Variants in GRHL1 observed in about 807,000 individuals in gnomAD.
GRHL1 encodes grainyhead-like protein 1 homolog.
GRHL1 carries 38 observed loss-of-function variants against 75.7 expected under a neutral mutation model. The ratio of observed to expected loss-of-function variants is 0.50; its 90% CI spans 0.39 to 0.66. The LOEUF (loss-of-function observed/expected upper bound fraction) is 0.66, where lower values mean the gene tolerates loss of function less well. GRHL1 is among the 30% of genes least tolerant of loss of function. GRHL1 has a pLI of 0.00. For missense variants in GRHL1, 589 were observed against 767.5 expected (o/e 0.77, Z 2.75); for synonymous variants, 266 against 279.4 (o/e 0.95, Z 0.48).
intron 14 of GRHL1, among the ~76,000 whole-genome samples, chr2:9,997,928 C>T (rs1408190467): frequency 2.0e-5 from 3 of 152,066 alleles, no homozygotes; most frequent in African/African-American, 7.2e-5. Flanking sequence ...CATAACTGTT[C>T]ATGGCTCACG....
chr2:10,000,661 T>A lies in GRHL1; in HGVS notation c.1811T>A (p.Ile604Asn). 6.2e-7 allele frequency: 1 copy of A among 1,613,182 alleles called. No individual in the cohort carries two copies. The highest frequency in any genetic ancestry group is 8.5e-7 in the Non-Finnish European group (1 of 1,179,218). ...YSNEDTFQLQ[I>N]EEAGGSYKLT... is the part of the protein sequence containing the mutation. ...AATGAGGACACCTTCCAGCTGCAGA[T>A]TGAAGAAGCCGGGGGGTCTTACAAG... Residue 604 changes from isoleucine (I) to asparagine (N), a missense_variant, in exon 16 of 16, where the codon ATT (isoleucine) becomes AAT (asparagine). Around this residue, in one of 5 missense-constraint regions of GRHL1, gnomAD observed 192 missense variants for 226.6 expected, o/e 0.85. Coordinates refer to ENST00000324907, the MANE Select transcript of GRHL1 (RefSeq NM_198182.3).
chr2:9,954,953 A>T lies in GRHL1; in HGVS notation c.59A>T (p.Tyr20Phe). 1 of 1,613,690 alleles carries T rather than the reference A, an allele frequency of 6.2e-7. No individual in the cohort carries two copies. Among genetic ancestry groups the T allele is most frequent in the Admixed American group, 1.7e-5 (1 of 60,008 alleles). The change falls in exon 2 of 16, where the codon TAT becomes TTT. Residue 20 changes from tyrosine to phenylalanine, a missense_variant. Physicochemically the swap from Tyr to Phe is conservative, Grantham distance 22 (BLOSUM62 3). Coordinates refer to ENST00000324907, the MANE Select transcript of GRHL1 (RefSeq NM_198182.3). Reference sequence around the variant, plus strand: ...TTGGTTCTTCAGAATGAAGCACTTTATCCACAGCGGCGGTCCTACACTAGT... The same window carrying T: ...TTGGTTCTTCAGAATGAAGCACTTTTTCCACAGCGGCGGTCCTACACTAGT... ...PVLVLQNEALYPQRRSYTSED... is the reference protein window; with the variant it reads ...PVLVLQNEALFPQRRSYTSED...
chr2:9,991,967 TG>T (rs776374236), intron 10 of GRHL1, 39 bp from the exon 11 acceptor site: 1 of 1,513,106 alleles, frequency 6.6e-7, no homozygotes, highest in East Asian at 2.5e-5. Flanking sequence ...TGTAATCCTT[TG>T]ACCTTGGCTT....
At chr2:9,983,168 C>T (rs1037980860) in intron 8 of GRHL1, among the ~76,000 whole-genome samples, 6 of 151,732 alleles carry the variant, frequency 4.0e-5, no homozygotes, top group South Asian at 2.1e-4. Context: ...GCAGGGGCAT[C>T]GTGAGCACCG....
intron 8 of GRHL1, among the ~76,000 whole-genome samples, chr2:9,977,563 C>T (rs1667999587): frequency 6.6e-6 from 1 of 152,204 alleles, no homozygotes; most frequent in Admixed American, 6.5e-5. Context: ...CTCAAGTGAT[C>T]CGCCCGCCTC....
At chr2:9,953,147 T>A in intron 1 of GRHL1, 1 of 454,626 alleles carries the variant, frequency 2.2e-6, no homozygotes, top group Non-Finnish European at 4.4e-6. Context: ...TTTGGAAATA[T>A]GAAACACCTT....
chr2:9,985,044 G>A (rs1421212172), intron 8 of GRHL1, among the ~76,000 whole-genome samples: 2 of 151,064 alleles, frequency 1.3e-5, no homozygotes, highest in Non-Finnish European at 2.9e-5. Flanking sequence ...CTCCAGCCTG[G>A]GTGACAGAGC....
chr2:10,000,228 C>T (rs1669210583), intron 15 of GRHL1, among the ~76,000 whole-genome samples: 1 of 152,226 alleles, frequency 6.6e-6, no homozygotes, highest in South Asian at 2.1e-4. Context: ...TCAAGTGATT[C>T]TCCTGCCTCA....
intron 8 of GRHL1, among the ~76,000 whole-genome samples, chr2:9,973,019 A>G (rs974644028): frequency 6.6e-6 from 1 of 152,078 alleles, no homozygotes; most frequent in Non-Finnish European, 1.5e-5. Context: ...TTCTTCAGGG[A>G]AACGCCCCAC....
In GRHL1 at chr2:9,951,980, C is replaced by A. The variant is rs1430964037; in HGVS notation, c.20+127C>A. Reference sequence around the variant, plus strand: ...CGGGCGCGGGGCGCGAGCCGGGGGCCGCTGTCCACTCCACGCCGCCACGGC... The same window carrying A: ...CGGGCGCGGGGCGCGAGCCGGGGGCAGCTGTCCACTCCACGCCGCCACGGC... On this transcript the variant is annotated intron_variant, in intron 1 of 15. Coordinates refer to ENST00000324907, the MANE Select transcript of GRHL1 (RefSeq NM_198182.3). This position sits in a 1 kb window ranked among gnomAD's most constrained non-coding sequence, Gnocchi z 4.2. 2.9e-6 allele frequency: 1 copy of A among 347,858 alleles called. No individual in the cohort carries two copies. The allele number at this position is 347,858 out of a possible 1,614,324, so 21.5% of individuals were successfully genotyped here. A position where few individuals can be genotyped will look rare whatever the true frequency, so the allele number is the denominator to read the frequency against.
intron 14 of GRHL1, among the ~76,000 whole-genome samples, chr2:9,998,423 C>CGTGT (rs1553306759): frequency 0.025 from 845 of 33,798 alleles, 60 homozygotes; most frequent in East Asian, 0.057. Context: ...AGTGACTATG[C>CGTGT]ATGTGTGTGT....
intron 8 of GRHL1, among the ~76,000 whole-genome samples, chr2:9,980,254 G>C (rs570844144): frequency 6.6e-6 from 1 of 151,812 alleles, no homozygotes; most frequent in Non-Finnish European, 1.5e-5. Context: ...TGTGGCTGCC[G>C]CGGTGCTTCC....
intron 12 of GRHL1, among the ~76,000 whole-genome samples, chr2:9,993,623 G>A (rs1335269723): frequency 2.6e-5 from 4 of 152,194 alleles, no homozygotes; most frequent in Admixed American, 2.6e-4. Context: ...CAGCTGTTTT[G>A]TAGACTCTTC....
At position 9,961,451 on chromosome 2, in the gene GRHL1, A is replaced by G. The variant is rs189930547; in HGVS notation, c.669+15A>G. ...GCGTTCAGGAGGTAAGGAAACAAAA[A>G]CATCTTCCTAAGACGCCTGCGTGTT... On this transcript the variant is annotated intron_variant, in intron 4 of 15. Coordinates refer to ENST00000324907, the MANE Select transcript of GRHL1 (RefSeq NM_198182.3). The G allele has an allele frequency of 6.2e-5, 99 of 1,588,928 alleles. No homozygotes were observed. Among genetic ancestry groups the G allele is most frequent in the African/African-American group, 9.4e-5 (7 of 74,120 alleles).
chr2:9,991,147 A>G (rs546256000), intron 10 of GRHL1, among the ~76,000 whole-genome samples: 90 of 152,310 alleles, frequency 5.9e-4, no homozygotes, highest in Non-Finnish European at 1.1e-3. Flanking sequence ...GTAAGATCAT[A>G]TTTTGTATCT....
intron 3 of GRHL1, chr2:9,960,049 C>T (rs1383826424): frequency 1.3e-5 from 2 of 152,182 alleles, no homozygotes; most frequent in African/African-American, 4.8e-5. Context: ...TGGAAATCAT[C>T]TTGTATTGCT....
In GRHL1 at chr2:9,962,637, T is replaced by A. The variant is rs188245844; in HGVS notation, c.746+106T>A. 3.8e-5 allele frequency: 27 copies of A among 710,552 alleles called. No individual in the cohort carries two copies. In the East Asian group the frequency reaches 7.0e-4, roughly 18 times the overall value. The allele number at this position is 710,552 out of a possible 1,614,324, so 44.0% of individuals were successfully genotyped here. A position where few individuals can be genotyped will look rare whatever the true frequency, so the allele number is the denominator to read the frequency against. On this transcript the variant is annotated intron_variant, in intron 5 of 15. Coordinates refer to ENST00000324907, the MANE Select transcript of GRHL1 (RefSeq NM_198182.3). ...GTGGCTTTAGCAGGCTTTCCCCTTA[T>A]CTTACTACTTTTACTGTGGTACAGT...
chr2:9,980,373 C>A (rs74982511), intron 8 of GRHL1, among the ~76,000 whole-genome samples: 3,935 of 150,260 alleles, frequency 0.026, 171 homozygotes, highest in African/African-American at 0.091. Flanking sequence ...TTATGTAAAT[C>A]ATTTTATTTT....
intron 1 of GRHL1, among the ~76,000 whole-genome samples, chr2:9,952,324 G>C (rs1458017530): frequency 1.3e-5 from 2 of 152,170 alleles, no homozygotes; most frequent in Non-Finnish European, 2.9e-5. Flanking sequence ...CTCGTCACTC[G>C]GCGACCTGCT....
Sources: gnomAD v4.1 joint callset for allele counts (sites outside exome capture counted in the v4.1 genomes callset) on GRCh38, gnomAD v4.1.1 for gene constraint, gnomAD v4.1.1 regional missense constraint, Gnocchi (gnomAD v3.1) non-coding constraint, MANE v1.5 for transcripts, NCBI Gene and HGNC (gene_info 2026-07-23, HGNC 2026-07-21) for gene names.